The following DYNC1I2 variants were observed in gnomAD, a reference collection of about 807,000 sequenced individuals.
DYNC1I2 encodes cytoplasmic dynein 1 intermediate chain 2.
DYNC1I2 carries 53 observed loss-of-function variants against 88.6 expected under a neutral mutation model. That is an observed-to-expected ratio of 0.60 (90% CI 0.48 to 0.75). The LOEUF is 0.75. DYNC1I2 is among the 30% of genes least tolerant of loss of function. DYNC1I2 has a pLI of 0.00. For synonymous variants in DYNC1I2, 198 were observed against 254.6 expected, an observed-to-expected ratio of 0.78 and a Z score of 2.12; for missense variants, 458 against 766.6, an observed-to-expected ratio of 0.60 and a Z score of 4.75.
At chr2:171,733,275 G>C (rs1688748869) in intron 15 of DYNC1I2, among the ~76,000 whole-genome samples, 1 of 151,958 alleles carries the variant, frequency 6.6e-6, no homozygotes, top group Non-Finnish European at 1.5e-5. Flanking sequence ...CCATGTCTTT[G>C]CTAGTGTCTT....
intron 11 of DYNC1I2, 89 bp from the exon 12 acceptor site, chr2:171,727,732 A>G: frequency 1.6e-6 from 2 of 1,259,488 alleles, no homozygotes; most frequent in Non-Finnish European, 2.2e-6. Context: ...CAATGAAGAA[A>G]GAAATGTTTC....
At chr2:171,734,092 A>G (rs1272407238) in intron 15 of DYNC1I2, among the ~76,000 whole-genome samples, 3 of 152,080 alleles carry the variant, frequency 2.0e-5, no homozygotes, top group Non-Finnish European at 2.9e-5. Context: ...AGGTTTGTCA[A>G]AGATGATGAT....
At chr2:171,707,265 A>G (rs1304703145) in intron 4 of DYNC1I2, 22 bp from the exon 5 acceptor site, 2 of 1,613,676 alleles carry the variant, frequency 1.2e-6, no homozygotes, top group Non-Finnish European at 1.7e-6. Context: ...AACAGCGGAT[A>G]CCTGTCTATT....
rs1233679762 is a variant in DYNC1I2, at chr2:171,732,085, C to T, written c.1536+2232C>T. ...TTTATGATTCTTTCTCAAATGTGAC[C>T]GGGCAGGGTGGCTTACGCCTGTAAT... is the stretch of plus-strand genomic sequence containing the variant. On this transcript the variant is annotated intron_variant, in intron 15 of 17. Coordinates refer to ENST00000397119, the MANE Select transcript of DYNC1I2 (RefSeq NM_001378.3). Among the ~76,000 whole-genome samples the T allele has an allele frequency of 4.6e-5, 7 of 152,126 alleles. No individual in the cohort carries two copies. In the East Asian group the frequency reaches 5.8e-4, roughly 13 times the overall value.
chr2:171,689,229 G>A (rs1685202221), intron 1 of DYNC1I2, among the ~76,000 whole-genome samples: 2 of 152,106 alleles, frequency 1.3e-5, no homozygotes, highest in Non-Finnish European at 2.9e-5. Flanking sequence ...ATCTAATAGG[G>A]AACATTTCAG....
rs1559413667 is a variant in DYNC1I2 at position 171,747,210 on chromosome 2, TA to T, written c.1804-565del. Among the ~76,000 whole-genome samples the T allele has an allele frequency of 1.7e-3, 118 of 70,146 alleles. 1 individual carries two copies. The highest frequency in any genetic ancestry group is 6.2e-3 in the African/African-American group (116 of 18,706). The allele number at this position is 70,146 out of a possible 152,430, so 46.0% of individuals were successfully genotyped here. A position where few individuals can be genotyped will look rare whatever the true frequency, so the allele number is the denominator to read the frequency against. ...CTGTCTCAAAAAAAAAAAAAAATTA[TA>T]TATATATATATATATATATATGTTA... is the stretch of plus-strand genomic sequence containing the variant. On this transcript the variant is annotated intron_variant, in intron 17 of 17. Coordinates refer to ENST00000397119, the MANE Select transcript of DYNC1I2 (RefSeq NM_001378.3).
chr2:171,716,410 A>G (rs2105610766), intron 7 of DYNC1I2, among the ~76,000 whole-genome samples: 2 of 152,324 alleles, frequency 1.3e-5, no homozygotes, highest in Middle Eastern at 6.8e-3. Flanking sequence ...ATTTTGGAAT[A>G]GAAATTTTAT....
intron 3 of DYNC1I2, chr2:171,693,199 T>G (rs1685518885): frequency 3.2e-6 from 1 of 307,812 alleles, no homozygotes; most frequent in Non-Finnish European, 6.2e-6. Flanking sequence ...TGTGTTAAGC[T>G]CAAAGATAAC....
At chr2:171,728,675 T>C (rs1688407752) in intron 13 of DYNC1I2, 42 bp from the exon 14 acceptor site, 2 of 1,476,994 alleles carry the variant, frequency 1.4e-6, no homozygotes, top group African/African-American at 1.4e-5. Context: ...AAATTTAAAA[T>C]TGCAAGTTTA....
At chr2:171,693,056 C>T in intron 3 of DYNC1I2, 162 bp downstream of exon 3, 1 of 614,986 alleles carries the variant, frequency 1.6e-6, no homozygotes, top group South Asian at 2.0e-5. Flanking sequence ...TATGCTAGTA[C>T]ATGGTTATTT....
chr2:171,747,788 C>G lies in DYNC1I2; in HGVS notation c.1816C>G (p.Pro606Ala). The G allele has an allele frequency of 4.4e-6, 7 of 1,608,190 alleles. No homozygotes were observed. Among genetic ancestry groups the G allele is most frequent in the Non-Finnish European group, 5.9e-6 (7 of 1,177,038 alleles). ...IYDVGEQIAV[P>A]RNDEWARFGR... ...TTTCTTTTAACAGCAGATTGCTGTT[C>G]CCCGCAATGATGAATGGGCACGGTT... is the stretch of plus-strand genomic sequence containing the variant. The change falls in exon 18 of 18, where the codon CCC becomes GCC. Residue 606 changes from proline to alanine, a missense_variant. By Grantham distance (27) the Pro-to-Ala change is conservative (BLOSUM62 -1). This residue lies in a region of DYNC1I2 where 188 missense variants were observed against 300.4 expected (regional missense o/e 0.63). Coordinates refer to ENST00000397119, the MANE Select transcript of DYNC1I2 (RefSeq NM_001378.3).
At chr2:171,710,236 T>C (rs961725029) in intron 5 of DYNC1I2, among the ~76,000 whole-genome samples, 3 of 151,804 alleles carry the variant, frequency 2.0e-5, no homozygotes, top group Admixed American at 6.6e-5. Flanking sequence ...ATTGTGATGG[T>C]GATATTGGCA....
chr2:171,730,545 G>C (rs1171170170), intron 15 of DYNC1I2, among the ~76,000 whole-genome samples: 1 of 152,100 alleles, frequency 6.6e-6, no homozygotes. Flanking sequence ...AATCCAAGTA[G>C]GCAACATTAC....
chr2:171,689,023 A>T (rs185376873), intron 1 of DYNC1I2, among the ~76,000 whole-genome samples: 14 of 152,156 alleles, frequency 9.2e-5, no homozygotes, highest in Non-Finnish European at 2.1e-4. Context: ...AAAAAATCCT[A>T]ATTCATTATT....
chr2:171,745,819 T>C lies in DYNC1I2; in HGVS notation c.1695T>C (p.Ile565=). 6.2e-7 allele frequency: 1 copy of C among 1,613,466 alleles called. No individual in the cohort carries two copies. Among genetic ancestry groups the C allele is most frequent in the Non-Finnish European group, 8.5e-7 (1 of 1,179,576 alleles). The change falls in exon 17 of 18, where the codon ATT becomes ATC. Residue 565 remains isoleucine, a synonymous_variant. Transcript: ENST00000397119. ...GACTTTAGGTACCAACTGCCAGCAT[T>C]TCTGTGGAGGGTAATCCTGCTCTTA... is the stretch of plus-strand genomic sequence containing the variant. ...NNDTEVPTAS[I]SVEGNPALNR... is the part of the protein sequence containing the mutation.
chr2:171,729,013 A>G (rs537512907), intron 14 of DYNC1I2, among the ~76,000 whole-genome samples, 163 bp downstream of exon 14: 1 of 152,270 alleles, frequency 6.6e-6, no homozygotes, highest in East Asian at 1.9e-4. Context: ...CTTTTTGTAT[A>G]AAAGATAATT....
chr2:171,729,943 A>T, intron 15 of DYNC1I2, 90 bp downstream of exon 15: 1 of 1,452,574 alleles, frequency 6.9e-7, no homozygotes, highest in Non-Finnish European at 9.4e-7. Flanking sequence ...AAACCTTTTA[A>T]ATCATAATTG....
In DYNC1I2 at chr2:171,726,086, T is replaced by G; in HGVS notation, c.770+5T>G. 6.4e-7 allele frequency: 1 copy of G among 1,571,082 alleles called. No homozygotes were observed. Among genetic ancestry groups the G allele is most frequent in the Non-Finnish European group, 8.6e-7 (1 of 1,162,654 alleles). ...AGATTTGGAAGACAAAGAAGGGTAA[T>G]GTTTAGTTGCTAAGATTTTTAGCTT... On this transcript the variant is annotated splice_donor_5th_base_variant and intron_variant, in intron 9 of 17. Transcript: ENST00000397119.
chr2:171,720,020 C>T (rs1230122555), intron 7 of DYNC1I2, among the ~76,000 whole-genome samples: 1 of 144,370 alleles, frequency 6.9e-6, no homozygotes, highest in Non-Finnish European at 1.5e-5. Context: ...TTATTCACTT[C>T]TTCTGTATGG....
Sources: gnomAD v4.1 joint callset for allele counts (sites outside exome capture counted in the v4.1 genomes callset) on GRCh38, gnomAD v4.1.1 for gene constraint, gnomAD v4.1.1 regional missense constraint, MANE v1.5 for transcripts, NCBI Gene and HGNC (gene_info 2026-07-23, HGNC 2026-07-21) for gene names.